Variants in DNER observed in about 807,000 individuals in gnomAD.
DNER encodes delta and Notch-like epidermal growth factor-related receptor.
DNER carries 33 observed loss-of-function variants against 78.2 expected under a neutral mutation model. The observed-to-expected ratio is 0.42, with a 90% CI of 0.32 to 0.56. DNER has a LOEUF of 0.56. Ranked by LOEUF, DNER falls within the 20% of genes least tolerant of loss-of-function variation. The probability of loss-of-function intolerance (pLI) is 0.11; values close to 1 mark genes in which losing one functional copy is unlikely to be tolerated. For synonymous variants in DNER, 417 were observed against 384.8 expected, an observed-to-expected ratio of 1.08 and a Z score of -0.98; for missense variants, 918 against 975.3, an observed-to-expected ratio of 0.94 and a Z score of 0.78.
At chr2:229,532,844 GC>G (rs1356792002) in intron 5 of DNER, among the ~76,000 whole-genome samples, 1 of 152,166 alleles carries the variant, frequency 6.6e-6, no homozygotes, top group Non-Finnish European at 1.5e-5. Flanking sequence ...TTCTAACCTG[GC>G]CCCCTGTGGG....
Position 229,447,542 on chromosome 2 carries a change from T to C in DNER, c.1262-2A>G. ...CTTCACAAGCAGATCCGAAGTATCC[T>C]GTGAAAAAACACATGAGAGCTTAAA... On this transcript the variant is annotated splice_acceptor_variant, in intron 7 of 12. Coordinates refer to ENST00000341772, the MANE Select transcript of DNER (RefSeq NM_139072.4). LOFTEE classifies it high-confidence loss of function. The C allele has an allele frequency of 6.2e-7, 1 of 1,613,162 alleles. No homozygotes were observed. The highest frequency in any genetic ancestry group is 8.5e-7 in the Non-Finnish European group (1 of 1,179,638).
At chr2:229,598,485 G>A (rs569270941) in intron 1 of DNER, among the ~76,000 whole-genome samples, 1 of 152,336 alleles carries the variant, frequency 6.6e-6, no homozygotes, top group African/African-American at 2.4e-5. Flanking sequence ...TCAATTGCTT[G>A]CCCTGCTGGT....
chr2:229,595,764 A>G (rs1302767929), intron 1 of DNER, among the ~76,000 whole-genome samples: 1 of 152,200 alleles, frequency 6.6e-6, no homozygotes, highest in African/African-American at 2.4e-5. Flanking sequence ...CTCTGCCGGG[A>G]ATGCCTTGCT....
chr2:229,667,815 G>A (rs1382611214), intron 1 of DNER, among the ~76,000 whole-genome samples: 1 of 152,172 alleles, frequency 6.6e-6, no homozygotes, highest in Non-Finnish European at 1.5e-5. Flanking sequence ...AACAAGGAAG[G>A]ATAGTGGTAG....
At chr2:229,444,748 G>C (rs778247840) in intron 8 of DNER, among the ~76,000 whole-genome samples, 4 of 152,126 alleles carry the variant, frequency 2.6e-5, no homozygotes, top group Non-Finnish European at 5.9e-5. Context: ...AATTAGCAGG[G>C]TGTGGTGGTG....
Position 229,690,192 on chromosome 2 carries a change from A to T in DNER, c.276+23956T>A, listed in dbSNP as rs208793. Reference sequence around the variant, plus strand: ...AATCCCAAAGATTCTGATGTAATATATGTGAGTAGGGCCCAGGGATTTGCA... The same window carrying T: ...AATCCCAAAGATTCTGATGTAATATTTGTGAGTAGGGCCCAGGGATTTGCA... On this transcript the variant is annotated intron_variant, in intron 1 of 12. Transcript: ENST00000341772. Among the ~76,000 whole-genome samples, 4 of 152,148 alleles carry T rather than the reference A, an allele frequency of 2.6e-5. No individual in the cohort carries two copies. The East Asian group carries it at 7.7e-4, about 29-fold the overall frequency.
At chr2:229,479,127 C>CT (rs1695099513) in intron 6 of DNER, among the ~76,000 whole-genome samples, 1 of 152,144 alleles carries the variant, frequency 6.6e-6, no homozygotes, top group Non-Finnish European at 1.5e-5. Context: ...CATCCATGTC[C>CT]CTGCAAAGGA....
chr2:229,663,639 G>C (rs1294533124), intron 1 of DNER, among the ~76,000 whole-genome samples: 1 of 152,208 alleles, frequency 6.6e-6, no homozygotes, highest in South Asian at 2.1e-4. Context: ...CAAAGCAGAA[G>C]TTCCATCTGG....
At chr2:229,435,475 G>A (rs967296415) in intron 8 of DNER, among the ~76,000 whole-genome samples, 2 of 152,180 alleles carry the variant, frequency 1.3e-5, no homozygotes, top group African/African-American at 2.4e-5. Context: ...ACACAGCAAT[G>A]ACTAACTAAT....
At chr2:229,713,521 C>A (rs1426602952) in intron 1 of DNER, among the ~76,000 whole-genome samples, 1 of 152,232 alleles carries the variant, frequency 6.6e-6, no homozygotes, top group Non-Finnish European at 1.5e-5. Flanking sequence ...CCCTCGAATG[C>A]CTCCGACTGT....
At chr2:229,516,594 C>G (rs1695976112) in intron 5 of DNER, among the ~76,000 whole-genome samples, 1 of 152,024 alleles carries the variant, frequency 6.6e-6, no homozygotes, top group South Asian at 2.1e-4. Context: ...TTTTCCTCAA[C>G]AGCTTGAAGT....
chr2:229,595,284 A>AT (rs11389038), intron 1 of DNER, among the ~76,000 whole-genome samples: 15,002 of 145,564 alleles, frequency 0.1, 1,170 homozygotes, highest in African/African-American at 0.22. Context: ...GTATTCACTA[A>AT]TTTTTTTTTT....
At chr2:229,389,282 G>A (rs879313591) in intron 10 of DNER, among the ~76,000 whole-genome samples, 9 of 151,844 alleles carry the variant, frequency 5.9e-5, no homozygotes, top group Admixed American at 2.0e-4. Flanking sequence ...CCAATGTCAC[G>A]GTGATTCAAA....
intron 1 of DNER, among the ~76,000 whole-genome samples, chr2:229,672,245 T>C (rs1006676607): frequency 6.6e-6 from 1 of 152,064 alleles, no homozygotes; most frequent in South Asian, 2.1e-4. Flanking sequence ...CTGGGGTAGC[T>C]GAGGTAGGGA....
intron 4 of DNER, among the ~76,000 whole-genome samples, chr2:229,558,280 AAGGCT>A (rs1459937696): frequency 2.0e-5 from 3 of 152,080 alleles, no homozygotes; most frequent in East Asian, 3.9e-4. Context: ...TAATGAGTAC[AAGGCT>A]TCATACCTGG....
rs868763769 is a variant in DNER, at chr2:229,619,642, G to A, written c.277-27754C>T. On this transcript the variant is annotated intron_variant, in intron 1 of 12. Coordinates refer to ENST00000341772, the MANE Select transcript of DNER (RefSeq NM_139072.4). ...TAAATTATATTCTGTGTGCTCTGCT[G>A]GTACGTATAGTGTACTGAGGGACCA... 3.9e-5 allele frequency among the ~76,000 whole-genome samples: 6 copies of A among 152,132 alleles called. No homozygotes were observed. In the South Asian group the frequency reaches 6.2e-4, roughly 16 times the overall value.
At chr2:229,461,130 A>C (rs547793757) in intron 7 of DNER, among the ~76,000 whole-genome samples, 10 of 152,178 alleles carry the variant, frequency 6.6e-5, no homozygotes, top group South Asian at 2.1e-4. Flanking sequence ...CATCTTCCCC[A>C]AAAAATTCTA....
chr2:229,488,857 T>C (rs926898525), intron 6 of DNER, among the ~76,000 whole-genome samples: 6 of 151,358 alleles, frequency 4.0e-5, no homozygotes, highest in African/African-American at 1.2e-4. Context: ...TTGGACTCTG[T>C]GCAGGGCTTG....
At chr2:229,496,909 A>C (rs1695514219) in intron 6 of DNER, among the ~76,000 whole-genome samples, 1 of 152,170 alleles carries the variant, frequency 6.6e-6, no homozygotes, top group Non-Finnish European at 1.5e-5. Context: ...ACAGAAAATC[A>C]ATAAGAAAAC....
Sources: gnomAD v4.1 joint callset for allele counts (sites outside exome capture counted in the v4.1 genomes callset) on GRCh38, gnomAD v4.1.1 for gene constraint, MANE v1.5 for transcripts, NCBI Gene and HGNC (gene_info 2026-07-23, HGNC 2026-07-21) for gene names.